TMEM65: variants seen among roughly 807,000 people sequenced by gnomAD.
TMEM65 encodes the protein transmembrane protein 65.
Under a neutral mutation model 25.4 loss-of-function variants are expected in TMEM65, and 22 were observed. That is an observed-to-expected ratio of 0.86 (90% CI 0.62 to 1.23). The LOEUF is 1.23. Among genes scored for constraint, TMEM65 ranks in the 50% most tolerant of loss-of-function variants. The probability of loss-of-function intolerance (pLI) is 0.00; values close to 1 mark genes in which losing one functional copy is unlikely to be tolerated. For synonymous variants in TMEM65, 132 were observed against 126.2 expected, an observed-to-expected ratio of 1.05 and a Z score of -0.31; for missense variants, 262 against 308.2, an observed-to-expected ratio of 0.85 and a Z score of 1.12.
At position 124,372,222 on chromosome 8, in the gene TMEM65, G is replaced by A. The variant is rs1177512911; in HGVS notation, c.-65C>T. 5.7e-6 allele frequency: 7 copies of A among 1,223,756 alleles called. No homozygotes were observed. Among genetic ancestry groups the A allele is most frequent in the African/African-American group, 1.7e-5 (1 of 60,186 alleles). 75.8% of individuals were successfully genotyped at this position (1,223,756 alleles called of 1,614,324 possible). A position where few individuals can be genotyped will look rare whatever the true frequency, so the allele number is the denominator to read the frequency against. On this transcript the variant is annotated 5_prime_UTR_variant, in exon 1 of 7. Coordinates refer to ENST00000297632, the MANE Select transcript of TMEM65 (RefSeq NM_194291.3). Reference sequence around the variant, plus strand: ...AGGCGGTTTCTGGCGCGGCTGAGGCGAGAAGGAGCTGGGCTCAGCTCGACC... The same window carrying A: ...AGGCGGTTTCTGGCGCGGCTGAGGCAAGAAGGAGCTGGGCTCAGCTCGACC...
At chr8:124,369,377 T>C (rs1178445004) in intron 1 of TMEM65, among the ~76,000 whole-genome samples, 1 of 152,206 alleles carries the variant, frequency 6.6e-6, no homozygotes, top group Non-Finnish European at 1.5e-5. Context: ...ATGTGCCAAA[T>C]TTCAACAGCA....
At chr8:124,347,229 A>G (rs1225098768) in intron 1 of TMEM65, among the ~76,000 whole-genome samples, 4 of 152,232 alleles carry the variant, frequency 2.6e-5, no homozygotes, top group Admixed American at 2.6e-4. Flanking sequence ...TGTCTTTTTA[A>G]ACAGAAATTT....
At position 124,320,617 on chromosome 8, in the gene TMEM65, A is replaced by T. The variant is rs1814292614; in HGVS notation, c.516-426T>A. Among the ~76,000 whole-genome samples, 3 of 152,198 alleles carry T rather than the reference A, an allele frequency of 2.0e-5. No homozygotes were observed. The South Asian group carries it at 6.2e-4, about 31-fold the overall frequency. ...ATGATACAAATTAGTAACTTATCAG[A>T]CAGCAAAAGTTTCCAAAATTCCTCA... On this transcript the variant is annotated intron_variant, in intron 5 of 6. Transcript: ENST00000297632.
In TMEM65 at chr8:124,333,300, C is replaced by T. The variant is rs150188509; in HGVS notation, c.305-2508G>A. ...AACATCCCTGAAAATAGTCACAATA[C>T]ATCCCAGAAGGTTTATTTCCATATA... On this transcript the variant is annotated intron_variant, in intron 1 of 6. Transcript: ENST00000297632. 4.4e-3 allele frequency among the ~76,000 whole-genome samples: 672 copies of T among 151,998 alleles called. 5 individuals carry two copies. Among genetic ancestry groups the T allele is most frequent in the African/African-American group, 0.015 (633 of 41,462 alleles).
chr8:124,331,294 T>G (rs1390146818), intron 1 of TMEM65, among the ~76,000 whole-genome samples: 1 of 145,722 alleles, frequency 6.9e-6, no homozygotes, highest in African/African-American at 2.5e-5. Flanking sequence ...ATGACTTCAC[T>G]GAATTGTATT....
intron 1 of TMEM65, among the ~76,000 whole-genome samples, chr8:124,364,756 C>CTACTTGTTTT (rs200925796): frequency 0.026 from 3,946 of 152,158 alleles, 218 homozygotes; most frequent in African/African-American, 0.089. Context: ...TAATATATAA[C>CTACTTGTTTT]TACTTGTTTT....
intron 1 of TMEM65, among the ~76,000 whole-genome samples, chr8:124,358,081 T>C (rs1205386679): frequency 6.6e-6 from 1 of 152,042 alleles, no homozygotes; most frequent in Non-Finnish European, 1.5e-5. Flanking sequence ...CCATCCACCT[T>C]GGCCTCCCAA....
At chr8:124,326,912 T>C (rs1253430011) in intron 3 of TMEM65, among the ~76,000 whole-genome samples, 1 of 151,982 alleles carries the variant, frequency 6.6e-6, no homozygotes, top group African/African-American at 2.4e-5. Context: ...CTTTAAACAA[T>C]GGCTAGACTG....
intron 1 of TMEM65, among the ~76,000 whole-genome samples, chr8:124,342,846 C>T (rs1814597664): frequency 1.3e-5 from 2 of 152,102 alleles, no homozygotes; most frequent in South Asian, 2.1e-4. Context: ...TCAGGTAATA[C>T]ATTTCTAGCA....
At chr8:124,351,995 CAAG>C (rs1814715074) in intron 1 of TMEM65, among the ~76,000 whole-genome samples, 1 of 152,126 alleles carries the variant, frequency 6.6e-6, no homozygotes, top group Non-Finnish European at 1.5e-5. Context: ...CACTGGGAGA[CAAG>C]GAGGAAACAC....
intron 1 of TMEM65, among the ~76,000 whole-genome samples, chr8:124,352,773 T>C (rs564218050): frequency 6.6e-6 from 1 of 152,082 alleles, no homozygotes; most frequent in Admixed American, 6.5e-5. Context: ...GAACAGCGTT[T>C]TAGAGCTCAA....
chr8:124,318,616 T>A (rs920731399), intron 6 of TMEM65, among the ~76,000 whole-genome samples: 11 of 152,036 alleles, frequency 7.2e-5, no homozygotes, highest in African/African-American at 1.7e-4. Context: ...CCTCAGGTGA[T>A]CCACCCGCCT....
chr8:124,368,151 C>T (rs1300568374), intron 1 of TMEM65, among the ~76,000 whole-genome samples: 2 of 151,604 alleles, frequency 1.3e-5, no homozygotes, highest in African/African-American at 4.9e-5. Context: ...TTCCCACTCC[C>T]TTGTATTCAC....
In TMEM65 at chr8:124,372,153, G is replaced by T; in HGVS notation, c.5C>A (p.Ser2Tyr). ...GCTCCTCAGCAGCGGCAGCAGCCGG[G>T]ACATGGCGAGCTGAGGAGCTGGGAC... is the stretch of plus-strand genomic sequence containing the variant. M[S>Y]RLLPLLRSRT... Residue 2 changes from serine to tyrosine, a missense_variant, in exon 1 of 7, where the codon TCC becomes TAC. Coordinates refer to ENST00000297632, the MANE Select transcript of TMEM65 (RefSeq NM_194291.3). 1 of 1,279,214 alleles carries T rather than the reference G, an allele frequency of 7.8e-7. No homozygotes were observed. The highest frequency in any genetic ancestry group is 1.6e-5 in the African/African-American group (1 of 61,802). 79.2% of individuals were successfully genotyped at this position (1,279,214 alleles called of 1,614,324 possible). A position where few individuals can be genotyped will look rare whatever the true frequency, so the allele number is the denominator to read the frequency against.
chr8:124,354,658 C>T (rs1814756433), intron 1 of TMEM65, among the ~76,000 whole-genome samples: 1 of 152,214 alleles, frequency 6.6e-6, no homozygotes, highest in African/African-American at 2.4e-5. Context: ...GTCATCCCAT[C>T]TCCAAAACTC....
intron 4 of TMEM65, 133 bp downstream of exon 4, chr8:124,323,188 A>G (rs1814326721): frequency 5.6e-6 from 3 of 537,612 alleles, no homozygotes; most frequent in Non-Finnish European, 9.8e-6. Flanking sequence ...GAATCAGAAG[A>G]ATAGGATGAA....
At chr8:124,334,763 C>CAAAAAAAAAAAAAAAAAAAAAAAAAAA (rs34202764) in intron 1 of TMEM65, among the ~76,000 whole-genome samples, 1 of 86,028 alleles carries the variant, frequency 1.2e-5, no homozygotes, top group Non-Finnish European at 2.5e-5. Flanking sequence ...GACTCCGTCT[C>CAAAAAAAAAAAAAAAAAAAAAAAAAAA]AAAAAAAAAA....
intron 1 of TMEM65, among the ~76,000 whole-genome samples, chr8:124,354,309 G>A (rs1027476840): frequency 3.3e-5 from 5 of 152,148 alleles, no homozygotes; most frequent in Admixed American, 2.0e-4. Flanking sequence ...GAATTACTGA[G>A]ATAATTGGTG....
intron 1 of TMEM65, among the ~76,000 whole-genome samples, chr8:124,369,986 T>A (rs1814991249): frequency 6.6e-6 from 1 of 152,188 alleles, no homozygotes; most frequent in South Asian, 2.1e-4. Context: ...CTTGACTGTT[T>A]CTCCTGAGCA....
Sources: gnomAD v4.1 joint callset for allele counts (sites outside exome capture counted in the v4.1 genomes callset) on GRCh38, gnomAD v4.1.1 for gene constraint, MANE v1.5 for transcripts, NCBI Gene and HGNC (gene_info 2026-07-23, HGNC 2026-07-21) for gene names.